PTPRG: variants seen among roughly 807,000 people sequenced by gnomAD.
PTPRG encodes receptor-type tyrosine-protein phosphatase gamma.
A neutral mutation model predicts 165.3 loss-of-function variants in PTPRG; 102 were observed. The observed-to-expected ratio is 0.62, with a 90% CI of 0.53 to 0.73. The LOEUF is 0.73. Among genes scored for constraint, PTPRG ranks in the 30% least tolerant of loss-of-function variants. PTPRG has a pLI of 0.00. For missense variants in PTPRG, 1,866 were observed against 1,861.4 expected (o/e 1.00, Z -0.05); for synonymous variants, 675 against 669.5 (o/e 1.01, Z -0.13).
rs544945334 is a variant in PTPRG at position 62,200,382 on chromosome 3, T to C, written c.1328-1123T>C. Among the ~76,000 whole-genome samples the C allele has an allele frequency of 1.7e-3, 263 of 152,340 alleles. 1 individual carries two copies. Among genetic ancestry groups the C allele is most frequent in the Non-Finnish European group, 3.0e-3 (207 of 68,030 alleles). ...ACCTCCCGGATTCAAGCGATTCTCC[T>C]GCCTCAGCCTCCCGAGTAGCTGGGA... On this transcript the variant is annotated intron_variant, in intron 10 of 29. Coordinates refer to ENST00000474889, the MANE Select transcript of PTPRG (RefSeq NM_002841.4).
chr3:61,900,993 A>G (rs1333679049), intron 2 of PTPRG, among the ~76,000 whole-genome samples: 1 of 152,202 alleles, frequency 6.6e-6, no homozygotes, highest in Non-Finnish European at 1.5e-5. Context: ...ATAAGCATAG[A>G]AACTTGTTAG....
chr3:61,588,991 A>G (rs1003379965), intron 1 of PTPRG, among the ~76,000 whole-genome samples: 19 of 152,086 alleles, frequency 1.2e-4, no homozygotes, highest in Admixed American at 2.0e-4. Context: ...CCTGTAAAAC[A>G]GGGGTCAGCA....
At chr3:61,933,319 C>CT in intron 2 of PTPRG, among the ~76,000 whole-genome samples, 1 of 152,172 alleles carries the variant, frequency 6.6e-6, no homozygotes, top group African/African-American at 2.4e-5. Context: ...TGGCAGAGAT[C>CT]TTTTTTATTC....
intron 2 of PTPRG, among the ~76,000 whole-genome samples, chr3:61,936,208 C>A (rs998224098): frequency 1.3e-5 from 2 of 152,192 alleles, no homozygotes; most frequent in Non-Finnish European, 2.9e-5. Context: ...AAATAGATTT[C>A]TGTTCTTTAT....
At chr3:62,162,779 C>T (rs1704817132) in intron 7 of PTPRG, among the ~76,000 whole-genome samples, 1 of 152,190 alleles carries the variant, frequency 6.6e-6, no homozygotes, top group Admixed American at 6.5e-5. Flanking sequence ...GTGGATAATG[C>T]TAAGGCCTTT....
intron 2 of PTPRG, among the ~76,000 whole-genome samples, chr3:61,960,940 C>T (rs1441069471): frequency 6.6e-6 from 1 of 152,086 alleles, no homozygotes; most frequent in East Asian, 1.9e-4. Context: ...GCTGTGTTAA[C>T]TTGGGCCAGT....
intron 4 of PTPRG, among the ~76,000 whole-genome samples, chr3:62,048,219 T>A (rs1700359671): frequency 6.6e-6 from 1 of 152,078 alleles, no homozygotes; most frequent in Non-Finnish European, 1.5e-5. Flanking sequence ...AGGTAATGAA[T>A]GTTGCTCTTT....
chr3:61,760,512 T>A (rs1206773931), intron 2 of PTPRG, among the ~76,000 whole-genome samples: 1 of 152,198 alleles, frequency 6.6e-6, no homozygotes, highest in African/African-American at 2.4e-5. Context: ...CATTTCTGCT[T>A]ATCATGACTT....
intron 19 of PTPRG, among the ~76,000 whole-genome samples, chr3:62,268,161 G>T (rs1196257953): frequency 6.6e-6 from 1 of 152,044 alleles, no homozygotes; most frequent in Non-Finnish European, 1.5e-5. Context: ...GAAGGAAAGG[G>T]TGTTCTAAGT....
intron 1 of PTPRG, among the ~76,000 whole-genome samples, chr3:61,631,022 C>G (rs1247688287): frequency 2.0e-5 from 3 of 151,766 alleles, no homozygotes; most frequent in Non-Finnish European, 4.4e-5. Flanking sequence ...TGCGACTGCA[C>G]TCCAGCCTGG....
chr3:62,081,028 C>T (rs921720417), intron 5 of PTPRG, among the ~76,000 whole-genome samples: 78 of 151,958 alleles, frequency 5.1e-4, no homozygotes, highest in Non-Finnish European at 9.3e-4. Context: ...AAGGCCGAGG[C>T]GGGCGGATCA....
In PTPRG at chr3:62,271,558, AGG is replaced by A; in HGVS notation, c.3182+5_3182+6del. The A allele has an allele frequency of 6.2e-7, 1 of 1,611,748 alleles. No homozygotes were observed. Among genetic ancestry groups the A allele is most frequent in the Non-Finnish European group, 8.5e-7 (1 of 1,178,686 alleles). ...GGCCCTGTGTTGGTGCACTGCAGGTAGGGTCTAGGATTCAACATGTGAAATAG... is the reference window on the plus strand; with the variant it reads ...GGCCCTGTGTTGGTGCACTGCAGGTAGTCTAGGATTCAACATGTGAAATAG... On this transcript the variant is annotated splice_donor_5th_base_variant and intron_variant, in intron 21 of 29. Coordinates refer to ENST00000474889, the MANE Select transcript of PTPRG (RefSeq NM_002841.4). The surrounding 1 kb of genome is among the most constrained non-coding windows in gnomAD (Gnocchi z 4.1).
chr3:62,124,897 A>G (rs1003374509), intron 5 of PTPRG, among the ~76,000 whole-genome samples: 2 of 152,190 alleles, frequency 1.3e-5, no homozygotes, highest in Non-Finnish European at 2.9e-5. Flanking sequence ...ATTCTACTGA[A>G]TAAAACTAAG....
chr3:61,771,063 C>A (rs1342865235), intron 2 of PTPRG: 1 of 152,132 alleles, frequency 6.6e-6, no homozygotes, highest in African/African-American at 2.4e-5. Flanking sequence ...TCCTTCTATT[C>A]ATCTTTTGTA....
chr3:61,806,386 A>C (rs2035418576), intron 2 of PTPRG, among the ~76,000 whole-genome samples: 1 of 152,202 alleles, frequency 6.6e-6, no homozygotes, highest in East Asian at 1.9e-4. Flanking sequence ...TTCAAAAGGT[A>C]GTTGTAATGG....
At chr3:62,146,245 TAAATC>T (rs1559564314) in intron 6 of PTPRG, among the ~76,000 whole-genome samples, 1 of 152,356 alleles carries the variant, frequency 6.6e-6, no homozygotes, top group African/African-American at 2.4e-5. Context: ...CATCAACCCT[TAAATC>T]AAAATGCCAT....
intron 1 of PTPRG, among the ~76,000 whole-genome samples, chr3:61,644,612 C>G (rs1246669841): frequency 6.6e-6 from 1 of 152,152 alleles, no homozygotes; most frequent in African/African-American, 2.4e-5. Flanking sequence ...TGTTCCATCT[C>G]TATCCGAAAT....
chr3:62,212,048 A>AGGCTGTACGGAGAGAAAGAAC (rs1362060619), intron 12 of PTPRG, among the ~76,000 whole-genome samples: 1 of 151,950 alleles, frequency 6.6e-6, no homozygotes, highest in Non-Finnish European at 1.5e-5. Context: ...AGAGAAAGAA[A>AGGCTGTACGGAGAGAAAGAAC]GGCTGTACGG....
chr3:61,849,639 A>C lies in PTPRG; in HGVS notation c.190+100657A>C, dbSNP rs184878651. 1.2e-3 allele frequency among the ~76,000 whole-genome samples: 180 copies of C among 152,362 alleles called. 2 individuals carry two copies. Among genetic ancestry groups the C allele is most frequent in the Non-Finnish European group, 2.0e-3 (134 of 68,030 alleles). The stretch of plus-strand genomic sequence containing the variant: ...GTGAGGGAAGCCCACACAGTCATCA[A>C]AAGATAAATGCACTGAGACATTGTA... On this transcript the variant is annotated intron_variant, in intron 2 of 29. Transcript: ENST00000474889.
Sources: allele counts gnomAD v4.1 joint callset (sites outside exome capture counted in the v4.1 genomes callset), GRCh38; gene constraint gnomAD v4.1.1; non-coding constraint Gnocchi (gnomAD v3.1); transcripts MANE v1.5; gene names NCBI Gene and HGNC (gene_info 2026-07-23, HGNC 2026-07-21).